The following CALN1 variants were observed in gnomAD, a reference collection of about 807,000 sequenced individuals.
CALN1 encodes the protein calcium-binding protein 8.
In CALN1, 17 loss-of-function variants were observed where a neutral mutation model predicts 30.6. That is an observed-to-expected ratio of 0.56 (90% CI 0.38 to 0.83). CALN1 has a LOEUF of 0.83. Among genes scored for constraint, CALN1 ranks in the 40% least tolerant of loss-of-function variants. The pLI is 0.00. For synonymous variants in CALN1, 156 were observed against 131.4 expected (o/e 1.19, Z -1.28); for missense variants, 291 against 354.9 (o/e 0.82, Z 1.45).
At chr7:72,161,101 AC>A (rs1172488044) in intron 3 of CALN1, among the ~76,000 whole-genome samples, 2 of 152,184 alleles carry the variant, frequency 1.3e-5, no homozygotes, top group African/African-American at 4.8e-5. Context: ...GAGTCAGGTC[AC>A]CATGGCAGGA....
chr7:71,995,074 G>C (rs1315979946), intron 5 of CALN1, among the ~76,000 whole-genome samples: 22 of 152,112 alleles, frequency 1.4e-4, no homozygotes, highest in Non-Finnish European at 1.5e-5. Flanking sequence ...GGATGGTCTT[G>C]ATCTCCTGAC....
intron 2 of CALN1, among the ~76,000 whole-genome samples, chr7:72,382,319 G>A (rs970740549): frequency 6.6e-6 from 1 of 152,210 alleles, no homozygotes; most frequent in Admixed American, 6.5e-5. Flanking sequence ...AAAAATGACA[G>A]CCGTCAGGCA....
chr7:72,041,557 T>C (rs1266297055), intron 4 of CALN1, among the ~76,000 whole-genome samples: 1 of 152,064 alleles, frequency 6.6e-6, no homozygotes, highest in African/African-American at 2.4e-5. Context: ...CTAATTTTTG[T>C]ATTTTTAGTA....
rs138958668 is a variant in CALN1 at position 72,228,776 on chromosome 7, T to G, written c.244+49910A>C. 5.5e-3 allele frequency among the ~76,000 whole-genome samples: 704 copies of G among 128,100 alleles called. 5 individuals carry two copies. The highest frequency in any genetic ancestry group is 0.021 in the African/African-American group (678 of 32,372). The allele number at this position is 128,100 out of a possible 152,430, so 84.0% of individuals were successfully genotyped here. On this transcript the variant is annotated intron_variant, in intron 3 of 6. Coordinates refer to ENST00000395275, the MANE Select transcript of CALN1 (RefSeq NM_031468.4). ...TTATTTATTTATTTATTTATTTATTTATTGAGACAAGGTCTTGCTCTATAG... is the reference window on the plus strand; with the variant it reads ...TTATTTATTTATTTATTTATTTATTGATTGAGACAAGGTCTTGCTCTATAG...
the CALN1 span, among the ~76,000 whole-genome samples, chr7:72,475,337 C>G: frequency 6.6e-6 from 1 of 152,062 alleles, no homozygotes; most frequent in Non-Finnish European, 1.5e-5. Context: ...CGCCTGTAGT[C>G]CCAGCTATTC....
intron 5 of CALN1, among the ~76,000 whole-genome samples, chr7:72,018,227 G>A (rs563645636): frequency 5.6e-4 from 86 of 152,234 alleles, no homozygotes; most frequent in African/African-American, 1.9e-3. Flanking sequence ...GGCACATGAT[G>A]TGTGGCGTAA....
At chr7:72,060,798 C>A (rs1803594511) in intron 4 of CALN1, among the ~76,000 whole-genome samples, 1 of 152,164 alleles carries the variant, frequency 6.6e-6, no homozygotes. Flanking sequence ...CACACCAGCT[C>A]TACTTCCCTT....
chr7:72,358,796 A>G (rs934733907), intron 2 of CALN1, among the ~76,000 whole-genome samples: 2 of 151,994 alleles, frequency 1.3e-5, no homozygotes, highest in Non-Finnish European at 2.9e-5. Flanking sequence ...TAAAAATACA[A>G]AAATTAGCTG....
At chr7:71,898,550 G>T (rs1793677186) in intron 5 of CALN1, among the ~76,000 whole-genome samples, 1 of 152,122 alleles carries the variant, frequency 6.6e-6, no homozygotes, top group African/African-American at 2.4e-5. Flanking sequence ...ACAAGGAGAG[G>T]AGATAGAGAA....
chr7:72,085,166 G>A (rs1584910830), intron 4 of CALN1, among the ~76,000 whole-genome samples: 1 of 152,044 alleles, frequency 6.6e-6, no homozygotes, highest in Admixed American at 6.6e-5. Flanking sequence ...TCATCACAAA[G>A]GCACTTTATC....
chr7:72,353,465 A>G (rs574207263), intron 2 of CALN1, among the ~76,000 whole-genome samples: 53 of 152,338 alleles, frequency 3.5e-4, no homozygotes, highest in African/African-American at 1.2e-3. Context: ...TCCTATTTAT[A>G]GAAGAAAAAA....
chr7:72,131,235 G>T lies in CALN1; in HGVS notation c.245-24941C>A, dbSNP rs146827281. Among the ~76,000 whole-genome samples, 761 of 152,262 alleles carry T rather than the reference G, an allele frequency of 5.0e-3. 5 individuals are homozygous for T. Among genetic ancestry groups the T allele is most frequent in the African/African-American group, 0.017 (705 of 41,540 alleles). On this transcript the variant is annotated intron_variant, in intron 3 of 6. Coordinates refer to ENST00000395275, the MANE Select transcript of CALN1 (RefSeq NM_031468.4). ...GAAGAGGGAGGTGGGAAGGGGTCATGGGAGGAAACTGATTTTTCAGCGGGG... is the reference window on the plus strand; with the variant it reads ...GAAGAGGGAGGTGGGAAGGGGTCATTGGAGGAAACTGATTTTTCAGCGGGG...
At chr7:71,896,646 A>G (rs1389267922) in intron 5 of CALN1, among the ~76,000 whole-genome samples, 1 of 152,074 alleles carries the variant, frequency 6.6e-6, no homozygotes, top group Non-Finnish European at 1.5e-5. Flanking sequence ...GTATGAAAGG[A>G]AGGAGGACCA....
chr7:71,924,520 T>C (rs1294250673), intron 5 of CALN1, among the ~76,000 whole-genome samples: 1 of 152,180 alleles, frequency 6.6e-6, no homozygotes, highest in Non-Finnish European at 1.5e-5. Context: ...CCCAATACGC[T>C]TGAAGTTATA....
At chr7:71,887,941 C>T (rs962088891) in intron 5 of CALN1, among the ~76,000 whole-genome samples, 1 of 151,874 alleles carries the variant, frequency 6.6e-6, no homozygotes, top group Admixed American at 6.6e-5. Context: ...GGGCATGATT[C>T]GTTCAACCTG....
chr7:72,335,748 G>A (rs1801979890), intron 2 of CALN1, among the ~76,000 whole-genome samples: 1 of 152,228 alleles, frequency 6.6e-6, no homozygotes, highest in East Asian at 1.9e-4. Context: ...AAAGAGCAGT[G>A]GGAAACGATG....
intron 3 of CALN1, among the ~76,000 whole-genome samples, chr7:72,239,754 A>C (rs1794715450): frequency 6.6e-6 from 1 of 152,156 alleles, no homozygotes; most frequent in Non-Finnish European, 1.5e-5. Context: ...GGTAGCTCCT[A>C]CATGTGCCCT....
Position 71,950,195 on chromosome 7 carries a change from C to T in CALN1, c.501+73462G>A, listed in dbSNP as rs552642951. On this transcript the variant is annotated intron_variant, in intron 5 of 6. Coordinates refer to ENST00000395275, the MANE Select transcript of CALN1 (RefSeq NM_031468.4). The stretch of plus-strand genomic sequence containing the variant: ...CCCTGGTAACACCTGGAGAGTGAGC[C>T]CCTTATGGGAGGAGAATTGCTCACA... Among the ~76,000 whole-genome samples, 4 of 152,094 alleles carry T rather than the reference C, an allele frequency of 2.6e-5. No homozygotes were observed. In the South Asian group the frequency reaches 8.3e-4, roughly 32 times the overall value.
At chr7:71,916,648 AAC>A (rs1174739492) in intron 5 of CALN1, among the ~76,000 whole-genome samples, 10 of 152,096 alleles carry the variant, frequency 6.6e-5, no homozygotes, top group African/African-American at 2.4e-4. Context: ...GGAGGGGAAC[AAC>A]ACACACTGGG....
Sources: gnomAD v4.1 joint callset for allele counts (sites outside exome capture counted in the v4.1 genomes callset) on GRCh38, gnomAD v4.1.1 for gene constraint, MANE v1.5 for transcripts, NCBI Gene and HGNC (gene_info 2026-07-23, HGNC 2026-07-21) for gene names.